Variants in PRPS2 observed in about 807,000 individuals in gnomAD.
The protein encoded by PRPS2 is phosphoribosyl pyrophosphate synthetase 2.
For missense variants in PRPS2, 104 were observed against 271.5 expected (o/e 0.38, Z 4.34); for synonymous variants, 111 against 115.3 (o/e 0.96, Z 0.24).
chrX:12,800,019 ATG>A (rs1471739968), intron 2 of PRPS2, among the ~76,000 whole-genome samples: 2 of 112,495 alleles, frequency 1.8e-5, no homozygotes, highest in East Asian at 2.8e-4. Context: ...ATTGAAGAAA[ATG>A]TGGTTGGTCT....
intron 1 of PRPS2, among the ~76,000 whole-genome samples, chrX:12,798,116 G>C (rs769939334): frequency 8.9e-6 from 1 of 111,957 alleles, no homozygotes; most frequent in Non-Finnish European, 1.9e-5. Flanking sequence ...TTGATTGTTA[G>C]TGAAGGGTTT....
In PRPS2 at chrX:12,808,102, C is replaced by T. The variant is rs754115806; in HGVS notation, c.307-1132C>T. Among the ~76,000 whole-genome samples, 9 of 111,077 alleles carry T rather than the reference C, an allele frequency of 8.1e-5. No individual in the cohort carries two copies. In the South Asian group the frequency reaches 1.9e-3, roughly 24 times the overall value. Reference sequence around the variant, plus strand: ...CAGGATGGTCTGGATCTTCTGATCTCGTGATCCGCCCACCTCGGCCTCCCA... The same window carrying T: ...CAGGATGGTCTGGATCTTCTGATCTTGTGATCCGCCCACCTCGGCCTCCCA... On this transcript the variant is annotated intron_variant, in intron 2 of 6. Transcript: ENST00000380668.
At chrX:12,805,649 C>T (rs926569965) in intron 2 of PRPS2, among the ~76,000 whole-genome samples, 1 of 112,309 alleles carries the variant, frequency 8.9e-6, no homozygotes, top group Non-Finnish European at 1.9e-5. Flanking sequence ...CGTTTAAAGA[C>T]GTAAAAACCA....
At chrX:12,792,196 A>G (rs1395293196) in intron 1 of PRPS2, among the ~76,000 whole-genome samples, 1 of 112,445 alleles carries the variant, frequency 8.9e-6, no homozygotes, top group Non-Finnish European at 1.9e-5. Flanking sequence ...GTTTGATCCA[A>G]CGGGCGGAGG....
intron 1 of PRPS2, among the ~76,000 whole-genome samples, chrX:12,796,999 C>T (rs5978580): frequency 0.044 from 4,787 of 108,477 alleles, 273 homozygotes; most frequent in African/African-American, 0.15. Context: ...CAGAAAGTTT[C>T]GGATTTCAGA....
rs770038712 is a variant in PRPS2 at position 12,806,512 on chromosome X, A to G, written c.307-2722A>G. On this transcript the variant is annotated intron_variant, in intron 2 of 6. Transcript: ENST00000380668. ...GTGCTGTACTTACTTTTCTTTGTAT[A>G]GGCTAGCAAGTCAGTTAACTAGTAA... Among the ~76,000 whole-genome samples, 4 of 112,571 alleles carry G rather than the reference A, an allele frequency of 3.6e-5. No homozygotes were observed. The South Asian group carries it at 1.5e-3, about 41-fold the overall frequency.
At chrX:12,808,734 C>A (rs1358399038) in intron 2 of PRPS2, among the ~76,000 whole-genome samples, 1 of 112,123 alleles carries the variant, frequency 8.9e-6, no homozygotes, top group Non-Finnish European at 1.9e-5. Flanking sequence ...TAGCCTCTGG[C>A]TGTGTGAGGG....
At chrX:12,819,746 G>T (rs1378828518) in intron 5 of PRPS2, 66 bp downstream of exon 5, 22 of 1,115,859 alleles carry the variant, frequency 2.0e-5, no homozygotes, top group Admixed American at 1.0e-4. Context: ...TCAGCTTTTA[G>T]AAATTGGGCT....
At chrX:12,796,946 C>T (rs1440304158) in intron 1 of PRPS2, among the ~76,000 whole-genome samples, 2 of 101,260 alleles carry the variant, frequency 2.0e-5, no homozygotes, top group Non-Finnish European at 3.9e-5. Context: ...CCAAAATCCA[C>T]AATGCTCCAA....
chrX:12,803,470 G>A (rs905221568), intron 2 of PRPS2, among the ~76,000 whole-genome samples: 1 of 112,064 alleles, frequency 8.9e-6, no homozygotes, highest in Non-Finnish European at 1.9e-5. Context: ...TTTGCTTTTT[G>A]TAGAGGCAGT....
intron 6 of PRPS2, among the ~76,000 whole-genome samples, chrX:12,821,597 G>A (rs760653909): frequency 8.9e-6 from 1 of 112,120 alleles, no homozygotes; most frequent in East Asian, 2.8e-4. Flanking sequence ...CTTAAAAATG[G>A]TTAAAATGGC....
At chrX:12,809,388 C>CT (rs2042611391) in intron 3 of PRPS2, 56 bp downstream of exon 3, 1 of 1,083,051 alleles carries the variant, frequency 9.2e-7, no homozygotes, top group African/African-American at 1.8e-5. Flanking sequence ...ATTAAATAAT[C>CT]TTAGGTAACA....
chrX:12,795,443 A>G (rs753242244), intron 1 of PRPS2, among the ~76,000 whole-genome samples: 3 of 111,716 alleles, frequency 2.7e-5, no homozygotes, highest in South Asian at 7.5e-4. Context: ...TTGTGCTGCT[A>G]TAACAGAATA....
intron 4 of PRPS2, among the ~76,000 whole-genome samples, chrX:12,816,168 T>G (rs1407269208): frequency 9.0e-6 from 1 of 111,606 alleles, no homozygotes; most frequent in Non-Finnish European, 1.9e-5. Flanking sequence ...CTCAATATAG[T>G]AATGATTCCC....
chrX:12,817,811 A>C (rs748978130), intron 4 of PRPS2, among the ~76,000 whole-genome samples: 1 of 111,926 alleles, frequency 8.9e-6, no homozygotes, highest in East Asian at 2.8e-4. Context: ...ACAAAAATGC[A>C]CGTATTTTAT....
intron 4 of PRPS2, among the ~76,000 whole-genome samples, chrX:12,814,073 C>T (rs1381962433): frequency 1.1e-5 from 1 of 94,030 alleles, no homozygotes; most frequent in Non-Finnish European, 2.1e-5. Flanking sequence ...CCCCCACCCC[C>T]GACTCTACTG....
At position 12,791,591 on chromosome X, in the gene PRPS2, A is replaced by C; in HGVS notation, c.94A>C (p.Thr32Pro). The stretch of plus-strand genomic sequence containing the variant: ...GGGCCTGGAGCTGGGCAAGGTGGTC[A>C]CGAAGAAGTTCAGCAACCAGGAGAC... ...RLGLELGKVVTKKFSNQETSV... is the reference protein window; with the variant it reads ...RLGLELGKVVPKKFSNQETSV... The change falls in exon 1 of 7, where the codon ACG (threonine) becomes CCG (proline). Residue 32 changes from threonine (T) to proline (P), a missense_variant. Coordinates refer to ENST00000380668, the MANE Select transcript of PRPS2 (RefSeq NM_002765.5). The C allele has an allele frequency of 8.4e-7, 1 of 1,189,129 alleles. No individual in the cohort carries two copies. Among genetic ancestry groups the C allele is most frequent in the Non-Finnish European group, 1.1e-6 (1 of 885,007 alleles).
chrX:12,796,483 C>G (rs892264061), intron 1 of PRPS2, among the ~76,000 whole-genome samples: 15 of 111,681 alleles, frequency 1.3e-4, no homozygotes, highest in African/African-American at 4.9e-4. Flanking sequence ...TCTCAAAGTG[C>G]TGGGATTACA....
chrX:12,798,790 C>T (rs1207648973), intron 1 of PRPS2, among the ~76,000 whole-genome samples: 2 of 111,627 alleles, frequency 1.8e-5, no homozygotes, highest in African/African-American at 6.5e-5. Flanking sequence ...CAATGTGGTT[C>T]ATGCTGAATG....
Sources: allele counts gnomAD v4.1 joint callset (sites outside exome capture counted in the v4.1 genomes callset), GRCh38; gene constraint gnomAD v4.1.1; transcripts MANE v1.5; gene names NCBI Gene and HGNC (gene_info 2026-07-23, HGNC 2026-07-21).